The following TPM3 variants were observed in gnomAD, a reference collection of about 807,000 sequenced individuals.
TPM3 encodes tropomyosin 3, also known as tropomyosin alpha-3 chain.
TPM3 carries 16 observed loss-of-function variants against 43.1 expected under a neutral mutation model. That is an observed-to-expected ratio of 0.37 (90% CI 0.25 to 0.56). TPM3 has a LOEUF of 0.56. Among genes scored for constraint, TPM3 ranks in the 20% least tolerant of loss-of-function variants. TPM3 has a pLI of 0.77. For missense variants in TPM3, 176 were observed against 337.2 expected (o/e 0.52, Z 3.74); for synonymous variants, 101 against 116.9 (o/e 0.86, Z 0.88).
intron 2 of TPM3, chr1:154,187,534 A>G: frequency 1.0e-6 from 1 of 983,820 alleles, no homozygotes; most frequent in Non-Finnish European, 1.2e-6. Flanking sequence ...AAATATGAAG[A>G]AACTTCTTTC....
Position 154,165,975 on chromosome 1 carries a change from T to G in TPM3, c.*1962A>C, listed in dbSNP as rs1660915463. ...CACAGTATCTGTAGCTTTATGTATG[T>G]TTTCTCTCCTAGTAGATTCTAAGCA... On this transcript the variant is annotated 3_prime_UTR_variant, in exon 10 of 10. Coordinates refer to ENST00000651641, the MANE Select transcript of TPM3 (RefSeq NM_152263.4). Among the ~76,000 whole-genome samples the G allele has an allele frequency of 6.6e-6, 1 of 152,122 alleles. No homozygotes were observed. Among genetic ancestry groups the G allele is most frequent in the Non-Finnish European group, 1.5e-5 (1 of 68,022 alleles).
chr1:154,166,465 GC>G lies in TPM3; in HGVS notation c.*1471del, dbSNP rs563553310. 4,909 of 941,298 alleles carry G rather than the reference GC, an allele frequency of 5.2e-3. 17 individuals carry two copies. The highest frequency in any genetic ancestry group is 8.9e-3 in the Middle Eastern group (19 of 2,138). The allele number at this position is 941,298 out of a possible 1,614,324, so 58.3% of individuals were successfully genotyped here. ...TCTGACCTGCATAGCACACTACAGT[GC>G]AGAACTCCTGGGCTCAAGCAATCCT... On this transcript the variant is annotated 3_prime_UTR_variant, in exon 10 of 10. Transcript: ENST00000651641.
intron 2 of TPM3, among the ~76,000 whole-genome samples, chr1:154,188,878 C>A (rs1020431214): frequency 1.3e-5 from 2 of 151,210 alleles, no homozygotes; most frequent in Non-Finnish European, 2.9e-5. Context: ...CATCTGTAAT[C>A]CCAGCATTTT....
intron 5 of TPM3, chr1:154,171,994 A>G (rs1431423395): frequency 1.2e-6 from 2 of 1,610,006 alleles, no homozygotes. Context: ...ACCACACCAC[A>G]TATATAACCT....
chr1:154,182,310 C>G (rs1036694837), intron 2 of TPM3, among the ~76,000 whole-genome samples: 2 of 152,212 alleles, frequency 1.3e-5, no homozygotes, highest in Non-Finnish European at 2.9e-5. Flanking sequence ...CACGTAGATT[C>G]AGAGAGTGGG....
downstream of TPM3, chr1:154,159,015 A>G: frequency 1.3e-6 from 1 of 780,810 alleles, no homozygotes; most frequent in South Asian, 1.3e-5. Flanking sequence ...ATTAGAAAGC[A>G]GGCGGTTTCG....
At chr1:154,178,239 T>C (rs1662564655) in intron 2 of TPM3, 1 of 969,392 alleles carries the variant, frequency 1.0e-6, no homozygotes, top group African/African-American at 1.8e-5. Flanking sequence ...GGGTGTACAG[T>C]TGCCATGACA....
rs1661148016 is a variant in TPM3 at position 154,167,882 on chromosome 1, G to C, written c.*55C>G. 1 of 1,613,832 alleles carries C rather than the reference G, an allele frequency of 6.2e-7. No individual in the cohort carries two copies. Among genetic ancestry groups the C allele is most frequent in the South Asian group, 1.1e-5 (1 of 91,080 alleles). ...GAATCCAGAGCGAGAGTGGGGCCTTGGGTTCCCCGAGGAGTAAAGGGGGCA... is the reference window on the plus strand; with the variant it reads ...GAATCCAGAGCGAGAGTGGGGCCTTCGGTTCCCCGAGGAGTAAAGGGGGCA... On this transcript the variant is annotated 3_prime_UTR_variant, in exon 10 of 10. Coordinates refer to ENST00000651641, the MANE Select transcript of TPM3 (RefSeq NM_152263.4).
At chr1:154,171,513 G>A (rs375818679) in intron 5 of TPM3, 25 bp from the exon 6 acceptor site, 2 of 1,610,442 alleles carry the variant, frequency 1.2e-6, no homozygotes, top group South Asian at 1.1e-5. Context: ...AATACCACAG[G>A]AGAGGAAAAG....
intron 5 of TPM3, 129 bp downstream of exon 5, chr1:154,172,779 T>C (rs1661751425): frequency 6.0e-6 from 7 of 1,168,574 alleles, no homozygotes; most frequent in South Asian, 4.9e-5. Context: ...AAAAGCACTA[T>C]AGATGACTCC....
At chr1:154,157,515 G>C (rs1441212450), downstream of TPM3, 1 of 762,270 alleles carries the variant, frequency 1.3e-6, no homozygotes, top group East Asian at 2.4e-5. Context: ...AGGGGGTGGT[G>C]AAAGGAGAAA....
chr1:154,170,984 T>C (rs1571398528), intron 6 of TPM3: 1 of 538,786 alleles, frequency 1.9e-6, no homozygotes, highest in East Asian at 3.2e-5. Context: ...GGAGGTGTTT[T>C]TCCTTTCCCC....
chr1:154,169,333 C>T lies in TPM3; in HGVS notation c.826G>A (p.Asp276Asn). ...LKYKAISEEL[D>N]HALNDMTSI Reference sequence around the variant, plus strand: ...GAGGTCATGTCATTGAGGGCGTGGTCCAGCTCCTCGCTAATGGCCTTGTAC... The same window carrying T: ...GAGGTCATGTCATTGAGGGCGTGGTTCAGCTCCTCGCTAATGGCCTTGTAC... Residue 276 changes from aspartate to asparagine, a missense_variant, in exon 9 of 10, where the codon GAC becomes AAC. Coordinates refer to ENST00000651641, the MANE Select transcript of TPM3 (RefSeq NM_152263.4). 8.7e-6 allele frequency: 14 copies of T among 1,614,202 alleles called. No homozygotes were observed. Among genetic ancestry groups the T allele is most frequent in the Non-Finnish European group, 1.2e-5 (14 of 1,180,038 alleles).
chr1:154,184,007 A>T (rs1663266920), intron 2 of TPM3, among the ~76,000 whole-genome samples: 1 of 151,484 alleles, frequency 6.6e-6, no homozygotes, highest in African/African-American at 2.4e-5. Flanking sequence ...CTACAGGTGC[A>T]CGCCACCCCG....
intron 3 of TPM3, among the ~76,000 whole-genome samples, chr1:154,174,296 C>T (rs1661954720): frequency 6.8e-6 from 1 of 147,910 alleles, no homozygotes; most frequent in Admixed American, 6.8e-5. Context: ...GATTGTGCCA[C>T]TGCACTCCAG....
At chr1:154,175,032 T>C (rs1036879553) in intron 3 of TPM3, among the ~76,000 whole-genome samples, 1 of 151,828 alleles carries the variant, frequency 6.6e-6, no homozygotes, top group African/African-American at 2.4e-5. Context: ...TAGGAACACA[T>C]TAAAATTAGC....
chr1:154,191,194 C>G lies in TPM3; in HGVS notation c.235G>C (p.Ala79Pro), dbSNP rs1663665111. Reference protein sequence around the residue: ...QEKLELAEKKAADAEAEVASL... With the variant: ...QEKLELAEKKPADAEAEVASL... ...ATCTCTCTAATACTCACATCAGCAG[C>G]CTTCTTCTCTGCCAGTTCCAGCTTC... is the stretch of plus-strand genomic sequence containing the variant. The change falls in exon 2 of 10, where the codon GCT becomes CCT. Residue 79 changes from alanine (A) to proline (P), a missense_variant. Coordinates refer to ENST00000651641, the MANE Select transcript of TPM3 (RefSeq NM_152263.4). 1 of 1,614,148 alleles carries G rather than the reference C, an allele frequency of 6.2e-7. No homozygotes were observed. The highest frequency in any genetic ancestry group is 8.5e-7 in the Non-Finnish European group (1 of 1,180,026).
rs1015761545 is a variant in TPM3 at position 154,171,909 on chromosome 1, T to C, written c.567-421A>G. 3.1e-5 allele frequency: 32 copies of C among 1,021,756 alleles called. No individual in the cohort carries two copies. In the East Asian group the frequency reaches 6.4e-4, roughly 20 times the overall value. The allele number at this position is 1,021,756 out of a possible 1,614,324, so 63.3% of individuals were successfully genotyped here. On this transcript the variant is annotated intron_variant, in intron 5 of 9. Coordinates refer to ENST00000651641, the MANE Select transcript of TPM3 (RefSeq NM_152263.4). Reference sequence around the variant, plus strand: ...AAGTGGAAAAGAATGGAGCATTCCATGAAGAGATGAGACAGCACTCAACAA... The same window carrying C: ...AAGTGGAAAAGAATGGAGCATTCCACGAAGAGATGAGACAGCACTCAACAA...
chr1:154,156,832 G>C (rs1229344735), downstream of TPM3: 2 of 196,878 alleles, frequency 1.0e-5, no homozygotes, highest in Admixed American at 1.2e-4. Context: ...CAAAAACACA[G>C]TCTTCTTTCT....
Sources: allele counts gnomAD v4.1 joint callset (sites outside exome capture counted in the v4.1 genomes callset), GRCh38; gene constraint gnomAD v4.1.1; transcripts MANE v1.5; gene names NCBI Gene and HGNC (gene_info 2026-07-23, HGNC 2026-07-21).